The following GLO1 variants were observed in gnomAD, a reference collection of about 807,000 sequenced individuals.
GLO1 encodes glyoxalase I.
Under a neutral mutation model 26.0 loss-of-function variants are expected in GLO1, and 28 were observed. That is an observed-to-expected ratio of 1.08 (90% CI 0.80 to 1.48). The LOEUF is 1.48. GLO1 is among the 40% of genes most tolerant of loss of function. GLO1 has a pLI of 0.00. For missense variants in GLO1, 225 were observed against 224.8 expected (o/e 1.00, Z -0.01); for synonymous variants, 78 against 77.6 (o/e 1.00, Z -0.03).
intron 1 of GLO1, among the ~76,000 whole-genome samples, chr6:38,693,706 T>TATA (rs57910685): frequency 6.8e-6 from 1 of 147,524 alleles, no homozygotes; most frequent in Admixed American, 6.8e-5. Context: ...TATATATATA[T>TATA]TTGTTTTGTT....
At chr6:38,680,913 G>C (rs1220353035) in intron 5 of GLO1, among the ~76,000 whole-genome samples, 1 of 152,044 alleles carries the variant, frequency 6.6e-6, no homozygotes, top group Non-Finnish European at 1.5e-5. Flanking sequence ...CACTACAAGA[G>C]ATATATGAAG....
chr6:38,689,137 G>C (rs80334804), intron 1 of GLO1, among the ~76,000 whole-genome samples: 3 of 152,156 alleles, frequency 2.0e-5, no homozygotes, highest in East Asian at 1.9e-4. Flanking sequence ...ACCCCTGTCC[G>C]ACAGTGGAAA....
intron 5 of GLO1, among the ~76,000 whole-genome samples, chr6:38,680,749 G>A (rs138123044): frequency 4.9e-4 from 74 of 152,140 alleles, no homozygotes; most frequent in Admixed American, 1.5e-3. Context: ...CAATTAGCTG[G>A]GTGTGGTGGC....
intron 1 of GLO1, among the ~76,000 whole-genome samples, chr6:38,687,623 C>T (rs1761475745): frequency 6.6e-6 from 1 of 152,182 alleles, no homozygotes; most frequent in Non-Finnish European, 1.5e-5. Context: ...ACTTACTTAT[C>T]AGGAAACAGA....
intron 1 of GLO1, among the ~76,000 whole-genome samples, chr6:38,699,440 G>A (rs754701634): frequency 6.6e-5 from 10 of 151,994 alleles, no homozygotes; most frequent in Non-Finnish European, 8.8e-5. Context: ...GAAAAACAGC[G>A]ATTTTAGGGA....
At position 38,677,058 on chromosome 6, in the gene GLO1, C is replaced by T; in HGVS notation, c.*237G>A. ...CTGAAGGGAACTGTTCTAATTATTA[C>T]CTAAAAAATAAAGTTACACAACTAT... is the stretch of plus-strand genomic sequence containing the variant. On this transcript the variant is annotated 3_prime_UTR_variant, in exon 6 of 6. Transcript: ENST00000373365. 1 of 486,682 alleles carries T rather than the reference C, an allele frequency of 2.1e-6. No homozygotes were observed. Among genetic ancestry groups the T allele is most frequent in the Non-Finnish European group, 3.6e-6 (1 of 279,068 alleles). The allele number at this position is 486,682 out of a possible 1,614,324, so 30.1% of individuals were successfully genotyped here.
chr6:38,692,596 AGACATC>A (rs1457391285), intron 1 of GLO1, among the ~76,000 whole-genome samples: 2 of 152,152 alleles, frequency 1.3e-5, no homozygotes, highest in African/African-American at 4.8e-5. Flanking sequence ...TGGTAACAGC[AGACATC>A]CTTGTCTTAT....
chr6:38,700,692 T>C (rs544186079), intron 1 of GLO1, among the ~76,000 whole-genome samples: 1 of 152,314 alleles, frequency 6.6e-6, no homozygotes, highest in African/African-American at 2.4e-5. Context: ...AACCTCATCT[T>C]GTTTATCCCA....
At chr6:38,686,852 T>C (rs764033567) in intron 2 of GLO1, 40 bp downstream of exon 2, 1 of 1,070,946 alleles carries the variant, frequency 9.3e-7, no homozygotes, top group Non-Finnish European at 1.4e-6. Flanking sequence ...TGCAAAGCTA[T>C]ATATTTAAAC....
intron 5 of GLO1, among the ~76,000 whole-genome samples, 185 bp from the exon 6 acceptor site, chr6:38,677,568 C>T (rs1471432100): frequency 6.6e-6 from 1 of 152,130 alleles, no homozygotes; most frequent in African/African-American, 2.4e-5. Flanking sequence ...CAGGCACGCA[C>T]CACCTTGCCT....
chr6:38,691,723 C>T (rs1350538855), intron 1 of GLO1, among the ~76,000 whole-genome samples: 2 of 151,030 alleles, frequency 1.3e-5, no homozygotes, highest in African/African-American at 2.5e-5. Context: ...GATTAAGGCC[C>T]CTTTAAGCAC....
intron 1 of GLO1, among the ~76,000 whole-genome samples, chr6:38,694,784 G>A (rs1294920215): frequency 6.6e-6 from 1 of 152,084 alleles, no homozygotes; most frequent in East Asian, 1.9e-4. Flanking sequence ...TAGCTCTGCT[G>A]TTTAGTAACA....
chr6:38,679,308 T>G (rs1761330614), intron 5 of GLO1, among the ~76,000 whole-genome samples: 1 of 151,554 alleles, frequency 6.6e-6, no homozygotes, highest in Non-Finnish European at 1.5e-5. Flanking sequence ...AAAAAAAACC[T>G]TTTTGTAGAA....
At chr6:38,690,210 T>G (rs1423021234) in intron 1 of GLO1, among the ~76,000 whole-genome samples, 1 of 152,214 alleles carries the variant, frequency 6.6e-6, no homozygotes, top group Non-Finnish European at 1.5e-5. Context: ...GATGCTGTTC[T>G]AAGAGATTCA....
At chr6:38,695,846 C>CT (rs937564966) in intron 1 of GLO1, among the ~76,000 whole-genome samples, 16 of 151,800 alleles carry the variant, frequency 1.1e-4, no homozygotes, top group Admixed American at 5.3e-4. Flanking sequence ...TTTCATTAGG[C>CT]TTTTTTTTGG....
intron 1 of GLO1, among the ~76,000 whole-genome samples, chr6:38,692,022 C>A (rs1043378134): frequency 6.6e-6 from 1 of 152,142 alleles, no homozygotes; most frequent in African/African-American, 2.4e-5. Flanking sequence ...CCACTTTATT[C>A]TTTTCCAAAA....
intron 5 of GLO1, among the ~76,000 whole-genome samples, chr6:38,679,487 CT>C (rs1761334613): frequency 6.6e-6 from 1 of 151,972 alleles, no homozygotes; most frequent in African/African-American, 2.4e-5. Flanking sequence ...GACCCAAGGA[CT>C]ATTTAGACAT....
chr6:38,697,233 C>G (rs1761625170), intron 1 of GLO1, among the ~76,000 whole-genome samples: 1 of 152,174 alleles, frequency 6.6e-6, no homozygotes, highest in Admixed American at 6.5e-5. Flanking sequence ...TCTTAAGGCT[C>G]AACTAAACAT....
At chr6:38,699,645 G>A (rs140084648) in intron 1 of GLO1, among the ~76,000 whole-genome samples, 4,458 of 152,164 alleles carry the variant, frequency 0.029, 84 homozygotes, top group East Asian at 0.075. Context: ...ATAAACGCCC[G>A]CTCTGGGAAT....
Sources: gnomAD v4.1 joint callset for allele counts (sites outside exome capture counted in the v4.1 genomes callset) on GRCh38, gnomAD v4.1.1 for gene constraint, MANE v1.5 for transcripts, NCBI Gene and HGNC (gene_info 2026-07-23, HGNC 2026-07-21) for gene names.